C11orf21: variants seen among roughly 807,000 people sequenced by gnomAD.
C11orf21 encodes the protein chromosome 11 open reading frame 21, also known as uncharacterized protein C11orf21.
C11orf21 carries 19 observed loss-of-function variants against 15.2 expected under a neutral mutation model. The observed-to-expected ratio is 1.25, with a 90% CI of 0.87 to 1.84. The LOEUF (loss-of-function observed/expected upper bound fraction) is 1.84. C11orf21 is among the 40% of genes most tolerant of loss of function. C11orf21 has a pLI of 0.00. For missense variants in C11orf21, 171 were observed against 174.4 expected (o/e 0.98, Z 0.11); for synonymous variants, 62 against 66.8 (o/e 0.93, Z 0.35).
rs559970890 is a variant in C11orf21, at chr11:2,296,443, G to A, written c.*1507C>T. 4.6e-4 allele frequency: 70 copies of A among 152,338 alleles called. No homozygotes were observed. Among genetic ancestry groups the A allele is most frequent in the African/African-American group, 1.6e-3 (68 of 41,560 alleles). The allele number at this position is 152,338 out of a possible 1,614,324, so 9.4% of individuals were successfully genotyped here. A position where few individuals can be genotyped will look rare whatever the true frequency, so the allele number is the denominator to read the frequency against. On this transcript the variant is annotated 3_prime_UTR_variant, in exon 4 of 4. Coordinates refer to ENST00000381153, the MANE Select transcript of C11orf21 (RefSeq NM_001329958.2). The surrounding 1 kb of genome is among the most constrained non-coding windows in gnomAD (Gnocchi z 5.6). ...CCCTCCTCTGACTATTAGATCCGAT[G>A]GGTGTTTGTGTCCCCAGGAGTGGGT...
At chr11:2,298,572 G>A (rs1320218703) in intron 3 of C11orf21, among the ~76,000 whole-genome samples, 1 of 152,140 alleles carries the variant, frequency 6.6e-6, no homozygotes, top group Non-Finnish European at 1.5e-5. Context: ...AGGCCCGGGG[G>A]GTCACTCTGA....
intron 3 of C11orf21, among the ~76,000 whole-genome samples, 170 bp downstream of exon 3, chr11:2,299,258 C>T (rs1178666515): frequency 6.6e-6 from 1 of 152,210 alleles, no homozygotes; most frequent in African/African-American, 2.4e-5. Context: ...AAAGGACAGA[C>T]ATGAGCCAGA....
Position 2,300,484 on chromosome 11 carries a change from G to A in C11orf21, c.147+36C>T, listed in dbSNP as rs768499262. ...GGGGTTCCACCGGCTCCCTGCCCCC[G>A]CTGGTGGGGCACAGTGAGGGGGGCT... On this transcript the variant is annotated intron_variant, in intron 2 of 3. Coordinates refer to ENST00000381153, the MANE Select transcript of C11orf21 (RefSeq NM_001329958.2). 4.5e-5 allele frequency: 61 copies of A among 1,366,690 alleles called. No individual in the cohort carries two copies. The South Asian group carries it at 5.2e-4, about 12-fold the overall frequency. The allele number at this position is 1,366,690 out of a possible 1,614,324, so 84.7% of individuals were successfully genotyped here.
At position 2,299,491 on chromosome 11, in the gene C11orf21, GA is replaced by G; in HGVS notation, c.363del (p.Pro122LeufsTer35). On this transcript the variant is annotated frameshift_variant, in exon 3 of 4. Coordinates refer to ENST00000381153, the MANE Select transcript of C11orf21 (RefSeq NM_001329958.2). LOFTEE classifies it high-confidence loss of function. ...AGAGGCTGCCACCTCCTGGCCCGAGGACACAGCTTTCCAGAGGAGGGGCCTG... is the reference window on the plus strand; with the variant it reads ...AGAGGCTGCCACCTCCTGGCCCGAGGCACAGCTTTCCAGAGGAGGGGCCTG... ...LEAGPSSGKL[C>X]PRARRWQPLP... is the part of the protein sequence containing the mutation. The G allele has an allele frequency of 6.4e-7, 1 of 1,550,420 alleles. No individual in the cohort carries two copies. The highest frequency in any genetic ancestry group is 8.7e-7 in the Non-Finnish European group (1 of 1,146,952).
upstream of C11orf21, chr11:2,303,010 T>G: frequency 1.3e-6 from 2 of 1,519,348 alleles, no homozygotes. Flanking sequence ...GGTGCAAGGG[T>G]GGCTGGCACG....
At chr11:2,301,585 A>C in intron 1 of C11orf21, 171 bp downstream of exon 1, 1 of 603,844 alleles carries the variant, frequency 1.7e-6, no homozygotes, top group Non-Finnish European at 2.8e-6. Flanking sequence ...CCACGAAGGC[A>C]TTAAAACCAA....
upstream of C11orf21, chr11:2,302,875 C>T (rs749412499): frequency 3.7e-6 from 6 of 1,613,562 alleles, no homozygotes; most frequent in African/African-American, 6.7e-5. Flanking sequence ...ACCATGGTGA[C>T]TCTTACCTAC....
intron 3 of C11orf21, 43 bp downstream of exon 3, chr11:2,299,385 C>G (rs1847616916): frequency 6.5e-7 from 1 of 1,530,580 alleles, no homozygotes; most frequent in Non-Finnish European, 8.8e-7. Context: ...TCACAGACAG[C>G]ACAGGGGCCC....
chr11:2,302,173 G>A, upstream of C11orf21: 1 of 1,422,946 alleles, frequency 7.0e-7, no homozygotes, highest in African/African-American at 1.4e-5. Flanking sequence ...GTCGAGTCAG[G>A]GTTGCCAAAT....
intron 1 of C11orf21, 26 bp downstream of exon 1, chr11:2,301,730 G>C (rs1164827345): frequency 6.5e-7 from 1 of 1,535,248 alleles, no homozygotes; most frequent in East Asian, 2.4e-5. Flanking sequence ...GTCCACACTT[G>C]CTCACTCCCA....
Position 2,296,094 on chromosome 11 carries a change from G to C in C11orf21, c.*1856C>G, listed in dbSNP as rs1024215661. 2.6e-5 allele frequency: 4 copies of C among 152,150 alleles called. No individual in the cohort carries two copies. Among genetic ancestry groups the C allele is most frequent in the Non-Finnish European group, 4.4e-5 (3 of 68,032 alleles). 9.4% of individuals were successfully genotyped at this position (152,150 alleles called of 1,614,324 possible). A position where few individuals can be genotyped will look rare whatever the true frequency, so the allele number is the denominator to read the frequency against. On this transcript the variant is annotated 3_prime_UTR_variant, in exon 4 of 4. Transcript: ENST00000381153. The surrounding 1 kb of genome is among the most constrained non-coding windows in gnomAD (Gnocchi z 5.6). The stretch of plus-strand genomic sequence containing the variant: ...CCCTGTCTTCCACACAAGCCAATTA[G>C]ACGAGTGGAACGAGGCTGCAGTGGG...
At chr11:2,298,880 C>A (rs1452828322) in intron 3 of C11orf21, among the ~76,000 whole-genome samples, 1 of 148,374 alleles carries the variant, frequency 6.7e-6, no homozygotes, top group Non-Finnish European at 1.5e-5. Context: ...GAGGGCAGAG[C>A]CTAGGCTCCT....
chr11:2,299,448 TC>T lies in C11orf21; in HGVS notation c.*7del. 1 of 1,549,704 alleles carries T rather than the reference TC, an allele frequency of 6.5e-7. No individual in the cohort carries two copies. Among genetic ancestry groups the T allele is most frequent in the South Asian group, 1.2e-5 (1 of 84,050 alleles). ...CTCACCTCTGATGGACAGAAAAGGG[TC>T]CCTGTCTCAGGAAGGTAGAGGCTGC... On this transcript the variant is annotated 3_prime_UTR_variant, in exon 3 of 4. Transcript: ENST00000381153.
intron 1 of C11orf21, 21 bp downstream of exon 1, chr11:2,301,735 C>T: frequency 1.3e-6 from 2 of 1,541,770 alleles, no homozygotes; most frequent in Non-Finnish European, 1.7e-6. Context: ...CACTTGCTCA[C>T]TCCCAGGACG....
chr11:2,301,021 C>T (rs993182003), intron 1 of C11orf21: 25 of 525,934 alleles, frequency 4.8e-5, no homozygotes, highest in Non-Finnish European at 1.0e-5. Context: ...GGGGCCAGAG[C>T]TGCAGAGGGT....
intron 3 of C11orf21, 23 bp from the exon 4 acceptor site, chr11:2,297,944 G>A (rs1739159887): frequency 6.6e-6 from 1 of 152,234 alleles, no homozygotes; most frequent in Admixed American, 6.5e-5. Context: ...TAAGGAGAGA[G>A]AGAGAGAAGA....
intron 3 of C11orf21, among the ~76,000 whole-genome samples, chr11:2,299,218 C>T (rs539724294): frequency 6.6e-6 from 1 of 152,336 alleles, no homozygotes; most frequent in South Asian, 2.1e-4. Context: ...GCAAAGGCAG[C>T]TCCTGGGACG....
chr11:2,301,388 C>T (rs113612668), intron 1 of C11orf21: 18 of 211,604 alleles, frequency 8.5e-5, no homozygotes, highest in African/African-American at 3.2e-4. Flanking sequence ...CAGAGGCCCA[C>T]GGAAACCCTG....
intron 1 of C11orf21, chr11:2,300,955 G>A: frequency 3.2e-6 from 2 of 618,002 alleles, no homozygotes; most frequent in East Asian, 2.8e-5. Context: ...GACACTGTGG[G>A]TGCCAGGCAT....
Sources: allele counts gnomAD v4.1 joint callset (sites outside exome capture counted in the v4.1 genomes callset), GRCh38; gene constraint gnomAD v4.1.1; non-coding constraint Gnocchi (gnomAD v3.1); transcripts MANE v1.5; gene names NCBI Gene and HGNC (gene_info 2026-07-23, HGNC 2026-07-21).